TAF12: variants seen among roughly 807,000 people sequenced by gnomAD.
TAF12 encodes the protein transcription initiation factor TFIID subunit 12.
TAF12 carries 3 observed loss-of-function variants against 20.8 expected under a neutral mutation model. That is an observed-to-expected ratio of 0.14 (90% CI 0.07 to 0.37). The LOEUF (loss-of-function observed/expected upper bound fraction) is 0.37, where lower values mean the gene tolerates loss of function less well. TAF12 is among the 10% of genes least tolerant of loss of function. The pLI is 1.00. For synonymous variants in TAF12, 69 were observed against 70.2 expected, an observed-to-expected ratio of 0.98 and a Z score of 0.09; for missense variants, 131 against 197.9, an observed-to-expected ratio of 0.66 and a Z score of 2.03.
At chr1:28,623,047 A>C (rs1195367308) in intron 1 of TAF12, among the ~76,000 whole-genome samples, 1 of 150,332 alleles carries the variant, frequency 6.7e-6, no homozygotes, top group African/African-American at 2.4e-5. Flanking sequence ...AAAAAAAAAA[A>C]CAAAACACAA....
At chr1:28,617,819 C>T in intron 3 of TAF12, 134 bp downstream of exon 3, 1 of 876,496 alleles carries the variant, frequency 1.1e-6, no homozygotes. Context: ...TCTTGAACCT[C>T]TGGGTTCCAG....
intron 1 of TAF12, among the ~76,000 whole-genome samples, chr1:28,626,004 G>T (rs1165257946): frequency 1.3e-5 from 2 of 150,612 alleles, no homozygotes; most frequent in African/African-American, 4.9e-5. Flanking sequence ...TTTTTGAGAC[G>T]GAGTCTCACT....
chr1:28,620,552 C>T (rs557471956), intron 2 of TAF12, among the ~76,000 whole-genome samples: 16 of 152,308 alleles, frequency 1.1e-4, no homozygotes, highest in African/African-American at 3.8e-4. Flanking sequence ...TCTCCTGCCT[C>T]AGCCTCCCGA....
chr1:28,643,128 C>A (rs1436043937), upstream of TAF12: 6 of 985,742 alleles, frequency 6.1e-6, no homozygotes, highest in African/African-American at 7.0e-5. Context: ...AAACGCGCGG[C>A]TCTTCCGGCC....
chr1:28,633,160 CCTA>C (rs1486996195), intron 1 of TAF12, among the ~76,000 whole-genome samples: 3 of 148,624 alleles, frequency 2.0e-5, no homozygotes, highest in Non-Finnish European at 4.5e-5. Flanking sequence ...CCAAGCCCGG[CCTA>C]CTTTTTTTTT....
At chr1:28,646,599 C>T (rs974987281), upstream of TAF12, among the ~76,000 whole-genome samples, 11 of 152,050 alleles carry the variant, frequency 7.2e-5, no homozygotes, top group African/African-American at 2.2e-4. Flanking sequence ...GGCACAGTCT[C>T]GGCTCGCTGC....
chr1:28,608,799 G>A (rs1048463776), intron 4 of TAF12, among the ~76,000 whole-genome samples: 11 of 151,708 alleles, frequency 7.3e-5, no homozygotes, highest in African/African-American at 1.2e-4. Context: ...TTAGCCAGGC[G>A]TGGTGGGAGG....
chr1:28,612,684 G>A (rs986237087), intron 4 of TAF12, among the ~76,000 whole-genome samples: 2 of 151,498 alleles, frequency 1.3e-5, no homozygotes, highest in African/African-American at 4.8e-5. Context: ...ATCACTGTTA[G>A]CTGAGTATCT....
chr1:28,624,007 G>C (rs1667304134), intron 1 of TAF12: 2 of 985,744 alleles, frequency 2.0e-6, no homozygotes, highest in African/African-American at 1.7e-5. Flanking sequence ...GGTGAAATGA[G>C]AGGCAGCCAT....
upstream of TAF12, chr1:28,643,469 C>T (rs1231307641): frequency 3.9e-5 from 6 of 152,126 alleles, no homozygotes; most frequent in South Asian, 4.1e-4. Flanking sequence ...TCCTGTTGGA[C>T]CTCAACGAGG....
intron 3 of TAF12, among the ~76,000 whole-genome samples, chr1:28,617,273 T>G (rs1340981048): frequency 6.6e-6 from 1 of 152,192 alleles, no homozygotes; most frequent in African/African-American, 2.4e-5. Flanking sequence ...CAGGCAAAAG[T>G]AGCAGCAGTT....
chr1:28,635,773 T>A (rs558250658), intron 1 of TAF12, among the ~76,000 whole-genome samples: 14 of 151,912 alleles, frequency 9.2e-5, no homozygotes, highest in Non-Finnish European at 2.1e-4. Context: ...TGGCAATAGT[T>A]GTAAGACCCT....
At chr1:28,611,929 G>C (rs1666873071) in intron 4 of TAF12, among the ~76,000 whole-genome samples, 1 of 152,136 alleles carries the variant, frequency 6.6e-6, no homozygotes, top group Admixed American at 6.6e-5. Flanking sequence ...AACTGTTATT[G>C]TGCTAAACCA....
At chr1:28,619,268 C>T (rs571990895) in intron 2 of TAF12, among the ~76,000 whole-genome samples, 3 of 151,264 alleles carry the variant, frequency 2.0e-5, no homozygotes, top group Non-Finnish European at 4.4e-5. Flanking sequence ...CCGAGGTGAG[C>T]GGATCACGAG....
At chr1:28,619,322 T>C (rs370663198) in intron 2 of TAF12, among the ~76,000 whole-genome samples, 1 of 150,660 alleles carries the variant, frequency 6.6e-6, no homozygotes, top group East Asian at 2.0e-4. Context: ...TGAAACCCTG[T>C]CTCTACTAAA....
intron 1 of TAF12, among the ~76,000 whole-genome samples, chr1:28,637,252 T>C (rs974895859): frequency 6.6e-6 from 1 of 152,118 alleles, no homozygotes; most frequent in African/African-American, 2.4e-5. Flanking sequence ...TCTTTTTCTC[T>C]TTTTTGAGAC....
intron 1 of TAF12, among the ~76,000 whole-genome samples, chr1:28,637,331 T>C (rs1267961987): frequency 6.6e-6 from 1 of 151,782 alleles, no homozygotes. Context: ...CCTCCGCCTC[T>C]GGCCAGACCA....
chr1:28,625,462 G>A (rs953642484), intron 1 of TAF12, among the ~76,000 whole-genome samples: 30 of 151,864 alleles, frequency 2.0e-4, no homozygotes, highest in African/African-American at 7.0e-4. Context: ...ACTCAAACTC[G>A]TGGACTCAAG....
In TAF12 at chr1:28,622,343, G is replaced by A. The variant is rs181547789; in HGVS notation, c.-84-178C>T. 3.6e-3 allele frequency among the ~76,000 whole-genome samples: 473 copies of A among 129,980 alleles called. 3 individuals are homozygous for A. Among genetic ancestry groups the A allele is most frequent in the African/African-American group, 0.013 (454 of 34,296 alleles). The allele number at this position is 129,980 out of a possible 152,430, so 85.3% of individuals were successfully genotyped here. The stretch of plus-strand genomic sequence containing the variant: ...AAGACCAGCTTGGGCAACATAGCGA[G>A]ACCTAGTCTCTACCAAGAAAAAAAA... On this transcript the variant is annotated intron_variant, in intron 1 of 5. Transcript: ENST00000373824.
Sources: allele counts gnomAD v4.1 joint callset (sites outside exome capture counted in the v4.1 genomes callset), GRCh38; gene constraint gnomAD v4.1.1; transcripts MANE v1.5; gene names NCBI Gene and HGNC (gene_info 2026-07-23, HGNC 2026-07-21).